The following CCDC138 variants were observed in gnomAD, a reference collection of about 807,000 sequenced individuals.
CCDC138 encodes coiled-coil domain containing 138, also known as coiled-coil domain-containing protein 138.
In CCDC138, 66 loss-of-function variants were observed where a neutral mutation model predicts 82.3. The observed-to-expected ratio is 0.80, with a 90% CI of 0.66 to 0.98. The LOEUF is 0.98. CCDC138 is among the 50% of genes least tolerant of loss of function. The pLI, the probability that CCDC138 is intolerant of heterozygous loss-of-function variation, is 0.00. For synonymous variants in CCDC138, 297 were observed against 265.4 expected, an observed-to-expected ratio of 1.12 and a Z score of -1.16; for missense variants, 816 against 758.9, an observed-to-expected ratio of 1.08 and a Z score of -0.88.
chr2:108,871,399 A>C (rs1695226257), intron 13 of CCDC138, among the ~76,000 whole-genome samples: 2 of 150,258 alleles, frequency 1.3e-5, no homozygotes, highest in South Asian at 4.2e-4. Context: ...AAAAAAATAG[A>C]AAAATTAACT....
At chr2:108,864,820 G>T (rs915495253) in intron 13 of CCDC138, among the ~76,000 whole-genome samples, 1 of 151,106 alleles carries the variant, frequency 6.6e-6, no homozygotes, top group Admixed American at 6.6e-5. Context: ...AATTAGCTTG[G>T]CATAATGGTG....
At chr2:108,820,010 C>A (rs1389397916) in intron 10 of CCDC138, among the ~76,000 whole-genome samples, 3 of 152,082 alleles carry the variant, frequency 2.0e-5, no homozygotes, top group Non-Finnish European at 4.4e-5. Flanking sequence ...AAGAAAGAAC[C>A]AAATAAATTC....
chr2:108,820,003 A>G (rs1685400679), intron 10 of CCDC138, among the ~76,000 whole-genome samples: 1 of 152,244 alleles, frequency 6.6e-6, no homozygotes, highest in Admixed American at 6.5e-5. Context: ...AAATTATAAG[A>G]AAGAACCAAA....
intron 10 of CCDC138, among the ~76,000 whole-genome samples, chr2:108,837,906 G>T (rs1245802684): frequency 6.6e-6 from 1 of 151,886 alleles, no homozygotes; most frequent in South Asian, 2.1e-4. Flanking sequence ...AACTTATGAG[G>T]TGTCTATAAT....
At position 108,861,004 on chromosome 2, in the gene CCDC138, A is replaced by G. The variant is rs1015455595; in HGVS notation, c.1693+4034A>G. On this transcript the variant is annotated intron_variant, in intron 13 of 14. Transcript: ENST00000295124. ...AATTTTGATTCAGTTTTGGAGCTCA[A>G]TACTGGTCTGTTCAGGGTTTCAATT... is the stretch of plus-strand genomic sequence containing the variant. Among the ~76,000 whole-genome samples, 5 of 110,910 alleles carry G rather than the reference A, an allele frequency of 4.5e-5. No individual in the cohort carries two copies. In the South Asian group the frequency reaches 1.2e-3, roughly 26 times the overall value. 72.8% of individuals were successfully genotyped at this position (110,910 alleles called of 152,430 possible). A position where few individuals can be genotyped will look rare whatever the true frequency, so the allele number is the denominator to read the frequency against.
At chr2:108,797,962 ATTTTT>A (rs11289218) in intron 5 of CCDC138, among the ~76,000 whole-genome samples, 1 of 141,238 alleles carries the variant, frequency 7.1e-6, no homozygotes, top group African/African-American at 2.6e-5. Context: ...ACGGTGTGTG[ATTTTT>A]TTTTTTTTTT....
chr2:108,849,641 G>C (rs1046604145), intron 12 of CCDC138, among the ~76,000 whole-genome samples: 2 of 151,974 alleles, frequency 1.3e-5, no homozygotes, highest in Non-Finnish European at 2.9e-5. Context: ...AAAGCTGCAG[G>C]CTCCTCAGCC....
intron 13 of CCDC138, among the ~76,000 whole-genome samples, chr2:108,862,206 C>A (rs1337198205): frequency 6.7e-6 from 1 of 149,040 alleles, no homozygotes; most frequent in Non-Finnish European, 1.5e-5. Flanking sequence ...AAAAAAAAAA[C>A]AAAACAGGAA....
At chr2:108,821,323 A>C (rs1215367333) in intron 10 of CCDC138, among the ~76,000 whole-genome samples, 1 of 152,098 alleles carries the variant, frequency 6.6e-6, no homozygotes, top group Non-Finnish European at 1.5e-5. Flanking sequence ...ATGCCATTGC[A>C]CTCCAGCCTG....
In CCDC138 at chr2:108,846,736, A is replaced by G; in HGVS notation, c.1324-2A>G. 6.3e-7 allele frequency: 1 copy of G among 1,597,372 alleles called. No homozygotes were observed. Among genetic ancestry groups the G allele is most frequent in the Non-Finnish European group, 8.5e-7 (1 of 1,174,280 alleles). ...TACTAAGATTGTACATATTTTTAAC[A>G]GCACTCGACTATGACATCAACATTG... On this transcript the variant is annotated splice_acceptor_variant, in intron 11 of 14. Coordinates refer to ENST00000295124, the MANE Select transcript of CCDC138 (RefSeq NM_144978.3). LOFTEE classifies it high-confidence loss of function.
chr2:108,794,065 G>T (rs1680431504), intron 4 of CCDC138, among the ~76,000 whole-genome samples: 1 of 152,064 alleles, frequency 6.6e-6, no homozygotes, highest in African/African-American at 2.4e-5. Context: ...AAAAGAAGAG[G>T]TTATAGAAAT....
intron 13 of CCDC138, among the ~76,000 whole-genome samples, chr2:108,862,377 G>C (rs941032406): frequency 6.6e-6 from 1 of 152,118 alleles, no homozygotes; most frequent in Admixed American, 6.5e-5. Context: ...ATCTTCACAG[G>C]CTGGGAGGTA....
At chr2:108,856,092 A>G (rs906787140) in intron 12 of CCDC138, among the ~76,000 whole-genome samples, 1 of 152,150 alleles carries the variant, frequency 6.6e-6, no homozygotes, top group Non-Finnish European at 1.5e-5. Flanking sequence ...GTATCTTACT[A>G]CTTCATTTGC....
chr2:108,811,100 CTTTTTTT>C (rs55966487), intron 7 of CCDC138, among the ~76,000 whole-genome samples: 119,259 of 149,480 alleles, frequency 0.8, 47,796 homozygotes, highest in East Asian at 0.95. Flanking sequence ...TTTTTCTTTT[CTTTTTTT>C]TTTTCTTTTT....
chr2:108,865,830 C>T (rs780932095), intron 13 of CCDC138, among the ~76,000 whole-genome samples: 1 of 152,116 alleles, frequency 6.6e-6, no homozygotes, highest in Non-Finnish European at 1.5e-5. Context: ...GGCGGGGTGG[C>T]TATAGTGATC....
At chr2:108,877,634 A>G (rs1407682849), downstream of CCDC138, among the ~76,000 whole-genome samples, 9 of 152,194 alleles carry the variant, frequency 5.9e-5, no homozygotes, top group Non-Finnish European at 1.2e-4. Context: ...GGCAGATACT[A>G]GGACAGAGCC....
chr2:108,788,719 CAAAGAAAAAA>C lies in CCDC138; in HGVS notation c.152-119_152-110del, dbSNP rs573662786. 2.8e-3 allele frequency: 3,599 copies of C among 1,288,440 alleles called. 79 individuals carry two copies. In the African/African-American group the frequency reaches 0.05, roughly 18 times the overall value. The allele number at this position is 1,288,440 out of a possible 1,614,324, so 79.8% of individuals were successfully genotyped here. On this transcript the variant is annotated intron_variant, in intron 2 of 14. Transcript: ENST00000295124. Reference sequence around the variant, plus strand: ...TGGGTGACAGAGCGAGACTCCGTCTCAAAGAAAAAAAAAGAAAAAAAAATTTGAGAGAGAA... The same window carrying C: ...TGGGTGACAGAGCGAGACTCCGTCTCAAAGAAAAAAAAATTTGAGAGAGAA...
chr2:108,843,886 C>CTTTTTTT (rs57196170), intron 11 of CCDC138, among the ~76,000 whole-genome samples: 1 of 94,018 alleles, frequency 1.1e-5, no homozygotes. Flanking sequence ...GTGTTTCTTT[C>CTTTTTTT]TTTTTTTTTT....
chr2:108,849,956 G>C (rs112002255), intron 12 of CCDC138, among the ~76,000 whole-genome samples: 3 of 152,198 alleles, frequency 2.0e-5, no homozygotes, highest in African/African-American at 7.2e-5. Flanking sequence ...CACAAGACCT[G>C]GGGCTAGGAG....
Sources: allele counts gnomAD v4.1 joint callset (sites outside exome capture counted in the v4.1 genomes callset), GRCh38; gene constraint gnomAD v4.1.1; transcripts MANE v1.5; gene names NCBI Gene and HGNC (gene_info 2026-07-23, HGNC 2026-07-21).